ZNF609: variants seen among roughly 807,000 people sequenced by gnomAD.
The protein encoded by ZNF609 is zinc finger protein 609.
Under a neutral mutation model 109.5 loss-of-function variants are expected in ZNF609, and 11 were observed. The observed-to-expected ratio is 0.10, with a 90% CI of 0.06 to 0.17. The LOEUF (loss-of-function observed/expected upper bound fraction) is 0.17. Among genes scored for constraint, ZNF609 ranks in the 10% least tolerant of loss-of-function variants. The probability of loss-of-function intolerance (pLI) is 1.00; values close to 1 mark genes in which losing one functional copy is unlikely to be tolerated. For missense variants in ZNF609, 1,559 were observed against 1,772.4 expected, an observed-to-expected ratio of 0.88 and a Z score of 2.16; for synonymous variants, 646 against 662.0, an observed-to-expected ratio of 0.98 and a Z score of 0.37.
At chr15:64,584,694 G>GCT (rs1895166499) in intron 2 of ZNF609, among the ~76,000 whole-genome samples, 1 of 151,692 alleles carries the variant, frequency 6.6e-6, no homozygotes, top group African/African-American at 2.4e-5. Flanking sequence ...AATGGTGCAA[G>GCT]CTCGGCTCAC....
intron 1 of ZNF609, among the ~76,000 whole-genome samples, chr15:64,491,164 G>A (rs1009126165): frequency 1.3e-5 from 2 of 152,176 alleles, no homozygotes; most frequent in Non-Finnish European, 2.9e-5. Flanking sequence ...AGGCCCAAAG[G>A]GAAGGTGATT....
At chr15:64,533,401 T>C (rs1894091273) in intron 2 of ZNF609, among the ~76,000 whole-genome samples, 2 of 152,244 alleles carry the variant, frequency 1.3e-5, no homozygotes, top group African/African-American at 4.8e-5. Context: ...TCCTAAATCA[T>C]TGATTTCACA....
chr15:64,566,398 G>C (rs1894778118), intron 2 of ZNF609, among the ~76,000 whole-genome samples: 2 of 152,202 alleles, frequency 1.3e-5, no homozygotes, highest in Non-Finnish European at 2.9e-5. Context: ...AGCATGACCA[G>C]TCAGTGACTG....
intron 3 of ZNF609, among the ~76,000 whole-genome samples, chr15:64,655,868 G>A (rs1747875392): frequency 6.6e-6 from 1 of 152,040 alleles, no homozygotes; most frequent in Non-Finnish European, 1.5e-5. Flanking sequence ...ACAAAAATGT[G>A]TACATTAAAC....
At chr15:64,562,292 G>A (rs947539829) in intron 2 of ZNF609, among the ~76,000 whole-genome samples, 2 of 152,100 alleles carry the variant, frequency 1.3e-5, no homozygotes, top group Admixed American at 1.3e-4. Context: ...CATTTATTTT[G>A]GGTGCCTTCA....
In ZNF609 at chr15:64,577,012, G is replaced by GTATATATACACATAAATATATATGTATA. The variant is rs1567019058; in HGVS notation, c.748-45811_748-45810insTATACACATAAATATATATGTATATATA. Among the ~76,000 whole-genome samples the GTATATATACACATAAATATATATGTATA allele has an allele frequency of 1.0e-3, 100 of 96,260 alleles. 3 individuals are homozygous for GTATATATACACATAAATATATATGTATA. The highest frequency in any genetic ancestry group is 3.8e-3 in the African/African-American group (94 of 24,952). The allele number at this position is 96,260 out of a possible 152,430, so 63.2% of individuals were successfully genotyped here. ...TATACACATAAATATATATATGTAT[G>GTATATATACACATAAATATATATGTATA]TATACACATAAATATATATATGTAT... On this transcript the variant is annotated intron_variant, in intron 2 of 9. Transcript: ENST00000326648.
At chr15:64,609,116 CTTTCTTTCTTTCTT>C (rs1365408592) in intron 2 of ZNF609, among the ~76,000 whole-genome samples, 1,251 of 30,102 alleles carry the variant, frequency 0.042, 16 homozygotes, top group Non-Finnish European at 0.085. Flanking sequence ...TTCTTTCTTT[CTTTCTTTCTTTCTT>C]TTTTTCTTTC....
At chr15:64,522,144 A>ACAGCAACCTGTCCACT (rs1386604263) in intron 2 of ZNF609, among the ~76,000 whole-genome samples, 2 of 152,360 alleles carry the variant, frequency 1.3e-5, no homozygotes, top group Middle Eastern at 3.4e-3. Context: ...TTGTGAGTTT[A>ACAGCAACCTGTCCACT]CAGCAACCTG....
chr15:64,608,536 C>G (rs907563476), intron 2 of ZNF609, among the ~76,000 whole-genome samples: 1 of 152,016 alleles, frequency 6.6e-6, no homozygotes, highest in African/African-American at 2.4e-5. Flanking sequence ...ATGTATCCAC[C>G]ACCCAGTCAA....
At chr15:64,581,154 T>G (rs533344942) in intron 2 of ZNF609, among the ~76,000 whole-genome samples, 2 of 152,096 alleles carry the variant, frequency 1.3e-5, no homozygotes, top group African/African-American at 2.4e-5. Context: ...TCCTCCTGAG[T>G]AGCTGGGACT....
At chr15:64,638,221 G>C (rs1896205873) in intron 3 of ZNF609, among the ~76,000 whole-genome samples, 1 of 151,460 alleles carries the variant, frequency 6.6e-6, no homozygotes, top group Admixed American at 6.6e-5. Context: ...GTTAACCTGT[G>C]TGGGTTTATT....
chr15:64,508,912 T>G (rs1567000805), intron 2 of ZNF609, among the ~76,000 whole-genome samples: 1 of 152,076 alleles, frequency 6.6e-6, no homozygotes, highest in African/African-American at 2.4e-5. Flanking sequence ...CAGGCTAGTC[T>G]TGAACTCCTA....
rs762866358 is a variant in ZNF609 at position 64,674,482 on chromosome 15, C to A, written c.1628C>A (p.Ala543Glu). The change falls in exon 5 of 10, where the codon GCA becomes GAA. Residue 543 changes from alanine (A) to glutamate (E), a missense_variant. This residue lies in a region of ZNF609 where 1,204 missense variants were observed against 1,314.1 expected (regional missense o/e 0.92). Coordinates refer to ENST00000326648, the MANE Select transcript of ZNF609 (RefSeq NM_015042.2). ...SEYGEEPILH[A>E]DLGSCNGASV... ...TACGGAGAGGAACCTATTCTCCATG[C>A]AGATCTTGGGAGCTGCAACGGTGCA... is the stretch of plus-strand genomic sequence containing the variant. 1.9e-6 allele frequency: 3 copies of A among 1,614,144 alleles called. No homozygotes were observed. In the South Asian group the frequency reaches 3.3e-5, roughly 18 times the overall value.
At chr15:64,608,831 T>C (rs1336973480) in intron 2 of ZNF609, among the ~76,000 whole-genome samples, 1 of 151,930 alleles carries the variant, frequency 6.6e-6, no homozygotes, top group Non-Finnish European at 1.5e-5. Flanking sequence ...CTCAACCTCC[T>C]GGGCCCAAGC....
At chr15:64,540,704 A>G (rs2140380340) in intron 2 of ZNF609, among the ~76,000 whole-genome samples, 1 of 151,010 alleles carries the variant, frequency 6.6e-6, no homozygotes, top group Middle Eastern at 3.4e-3. Flanking sequence ...GTGTCCGGCC[A>G]CAGATAGGTT....
At position 64,533,511 on chromosome 15, in the gene ZNF609, T is replaced by C. The variant is rs185463032; in HGVS notation, c.747+33345T>C. 8.7e-4 allele frequency among the ~76,000 whole-genome samples: 133 copies of C among 152,360 alleles called. 1 individual carries two copies. The highest frequency in any genetic ancestry group is 3.0e-3 in the African/African-American group (125 of 41,594). On this transcript the variant is annotated intron_variant, in intron 2 of 9. Transcript: ENST00000326648. ...TCTGTTGCATGCTTATTATTCAATA[T>C]AGCGTTCTTAGGTTTGCTTAGTCAG...
intron 2 of ZNF609, among the ~76,000 whole-genome samples, chr15:64,528,150 T>C (rs1485482028): frequency 1.3e-5 from 2 of 151,410 alleles, no homozygotes; most frequent in African/African-American, 4.9e-5. Flanking sequence ...CAGGCTGGAG[T>C]GCAGTGACGC....
intron 2 of ZNF609, among the ~76,000 whole-genome samples, chr15:64,565,270 G>A (rs955885486): frequency 8.7e-4 from 33 of 38,006 alleles, no homozygotes; most frequent in South Asian, 3.5e-3. Context: ...TAGTAGAGAC[G>A]GAGTTTCACC....
At chr15:64,532,948 C>T (rs1894082790) in intron 2 of ZNF609, among the ~76,000 whole-genome samples, 1 of 152,152 alleles carries the variant, frequency 6.6e-6, no homozygotes, top group African/African-American at 2.4e-5. Flanking sequence ...GCACCCTGGT[C>T]CAGAGATCCT....
Sources: gnomAD v4.1 joint callset for allele counts (sites outside exome capture counted in the v4.1 genomes callset) on GRCh38, gnomAD v4.1.1 for gene constraint, gnomAD v4.1.1 regional missense constraint, MANE v1.5 for transcripts, NCBI Gene and HGNC (gene_info 2026-07-23, HGNC 2026-07-21) for gene names.